UBQLN4: variants seen among roughly 807,000 people sequenced by gnomAD.
The protein encoded by UBQLN4 is ubiquilin-4.
In UBQLN4, 11 loss-of-function variants were observed where a neutral mutation model predicts 60.4. The ratio of observed to expected loss-of-function variants is 0.18; its 90% CI spans 0.11 to 0.30. The LOEUF (loss-of-function observed/expected upper bound fraction) is 0.30, where lower values mean the gene tolerates loss of function less well. UBQLN4 is among the 10% of genes least tolerant of loss of function. UBQLN4 has a pLI of 1.00. For synonymous variants in UBQLN4, 258 were observed against 313.1 expected (o/e 0.82, Z 1.86); for missense variants, 417 against 795.5 (o/e 0.52, Z 5.72).
intron 1 of UBQLN4, among the ~76,000 whole-genome samples, chr1:156,053,205 T>C (rs1016043487): frequency 1.3e-5 from 2 of 152,088 alleles, no homozygotes; most frequent in Admixed American, 6.5e-5. Flanking sequence ...CACTGGGCGT[T>C]CTCTGAGGCA....
downstream of UBQLN4, among the ~76,000 whole-genome samples, chr1:156,034,589 C>T (rs1400370211): frequency 2.6e-5 from 4 of 151,422 alleles, no homozygotes; most frequent in East Asian, 7.7e-4. Flanking sequence ...AGCCACTGTG[C>T]CCAGCCTTGT....
rs1327995162 is a variant in UBQLN4 at position 156,042,800 on chromosome 1, C to A, written c.1240G>T (p.Ala414Ser). Residue 414 changes from alanine to serine, a missense_variant, in exon 7 of 11, where the codon GCC becomes TCC. Coordinates refer to ENST00000368309, the MANE Select transcript of UBQLN4 (RefSeq NM_020131.5). ...TGAGCAGCAAAGTCGGGGTTCTGGG[C>A]AAGCGTCTGCATCATGCTGCGCATG... ...PYMRSMMQTL[A>S]QNPDFAAQMM... 1 of 1,614,126 alleles carries A rather than the reference C, an allele frequency of 6.2e-7. No homozygotes were observed. The highest frequency in any genetic ancestry group is 1.3e-5 in the African/African-American group (1 of 75,064).
At chr1:156,031,388 G>C (rs1683294579), downstream of UBQLN4, among the ~76,000 whole-genome samples, 2 of 152,080 alleles carry the variant, frequency 1.3e-5, no homozygotes, top group Admixed American at 6.6e-5. Context: ...TCAGGCACAG[G>C]CAGGTTGAAT....
intron 5 of UBQLN4, among the ~76,000 whole-genome samples, chr1:156,047,906 AAAAG>A (rs1003611260): frequency 7.9e-5 from 12 of 151,872 alleles, no homozygotes; most frequent in South Asian, 2.1e-4. Context: ...AAAAAAAAAA[AAAAG>A]AAAGAAAGAA....
At chr1:156,038,221 C>CA (rs1411000647) in intron 10 of UBQLN4, among the ~76,000 whole-genome samples, 3 of 150,948 alleles carry the variant, frequency 2.0e-5, no homozygotes, top group African/African-American at 7.3e-5. Context: ...ACTAAAAACA[C>CA]AAAAAATTAC....
Position 156,048,910 on chromosome 1 carries a change from G to A in UBQLN4, c.742-251C>T, listed in dbSNP as rs1405779165. 2.0e-5 allele frequency among the ~76,000 whole-genome samples: 3 copies of A among 152,294 alleles called. No homozygotes were observed. The highest frequency in any genetic ancestry group is 3.4e-3 in the Middle Eastern group (1 of 294). ...GACAATGATCCCAGCTGAAGTGAGG[G>A]CAGCAGCTTCCCTCCCTTAGGCTCA... On this transcript the variant is annotated intron_variant, in intron 4 of 10. Transcript: ENST00000368309. The surrounding 1 kb of genome is among the most constrained non-coding windows in gnomAD (Gnocchi z 4.9).
Position 156,041,733 on chromosome 1 carries a change from A to C in UBQLN4, c.1467-62T>G, listed in dbSNP as rs547714077. 2.7e-6 allele frequency: 4 copies of C among 1,463,876 alleles called. No homozygotes were observed. The African/African-American group carries it at 5.7e-5, about 21-fold the overall frequency. 90.7% of individuals were successfully genotyped at this position (1,463,876 alleles called of 1,614,324 possible). Reference sequence around the variant, plus strand: ...TCCAAGAAAGGGATGAGAATGTGAGATCCAGAAGGAAAAGCAGTTGGAAGA... The same window carrying C: ...TCCAAGAAAGGGATGAGAATGTGAGCTCCAGAAGGAAAAGCAGTTGGAAGA... On this transcript the variant is annotated intron_variant, in intron 9 of 10. Coordinates refer to ENST00000368309, the MANE Select transcript of UBQLN4 (RefSeq NM_020131.5).
At position 156,036,368 on chromosome 1, in the gene UBQLN4, T is replaced by G; in HGVS notation, c.*610A>C. 1.0e-6 allele frequency: 1 copy of G among 985,668 alleles called. No individual in the cohort carries two copies. The highest frequency in any genetic ancestry group is 1.2e-6 in the Non-Finnish European group (1 of 830,058). The allele number at this position is 985,668 out of a possible 1,614,324, so 61.1% of individuals were successfully genotyped here. Reference sequence around the variant, plus strand: ...TGTCCAGAGAGCTGTCTCATCTCCCTCTTCAGACAGGGAGAACAGGCATCT... The same window carrying G: ...TGTCCAGAGAGCTGTCTCATCTCCCGCTTCAGACAGGGAGAACAGGCATCT... On this transcript the variant is annotated 3_prime_UTR_variant, in exon 11 of 11. Transcript: ENST00000368309.
At position 156,041,735 on chromosome 1, in the gene UBQLN4, C is replaced by T. The variant is rs1683572914; in HGVS notation, c.1467-64G>A. 1.8e-5 allele frequency: 26 copies of T among 1,461,564 alleles called. No individual in the cohort carries two copies. In the South Asian group the frequency reaches 3.5e-4, roughly 19 times the overall value. The allele number at this position is 1,461,564 out of a possible 1,614,324, so 90.5% of individuals were successfully genotyped here. A position where few individuals can be genotyped will look rare whatever the true frequency, so the allele number is the denominator to read the frequency against. On this transcript the variant is annotated intron_variant, in intron 9 of 10. Coordinates refer to ENST00000368309, the MANE Select transcript of UBQLN4 (RefSeq NM_020131.5). Reference sequence around the variant, plus strand: ...CAAGAAAGGGATGAGAATGTGAGATCCAGAAGGAAAAGCAGTTGGAAGAAA... The same window carrying T: ...CAAGAAAGGGATGAGAATGTGAGATTCAGAAGGAAAAGCAGTTGGAAGAAA...
intron 7 of UBQLN4, chr1:156,042,506 C>T: frequency 8.0e-7 from 1 of 1,242,390 alleles, no homozygotes; most frequent in Non-Finnish European, 1.1e-6. Flanking sequence ...AGAACTTACT[C>T]TGTCACACGC....
downstream of UBQLN4, among the ~76,000 whole-genome samples, chr1:156,032,067 G>GT (rs371900028): frequency 0.012 from 1,830 of 147,372 alleles, 38 homozygotes; most frequent in African/African-American, 0.04. Flanking sequence ...TCCAAAATGA[G>GT]TTTTTTTTTT....
intron 10 of UBQLN4, among the ~76,000 whole-genome samples, chr1:156,040,266 C>T (rs749489719): frequency 1.3e-4 from 19 of 150,276 alleles, no homozygotes; most frequent in African/African-American, 2.4e-4. Flanking sequence ...TGTGGTGGCG[C>T]GTGCCTGTAA....
At chr1:156,046,653 C>T (rs1208643361) in intron 5 of UBQLN4, among the ~76,000 whole-genome samples, 1 of 151,720 alleles carries the variant, frequency 6.6e-6, no homozygotes, top group Non-Finnish European at 1.5e-5. Context: ...CCAGCCTGGC[C>T]AATATGGTGA....
At chr1:156,031,520 C>G (rs1683296032), downstream of UBQLN4, among the ~76,000 whole-genome samples, 2 of 152,148 alleles carry the variant, frequency 1.3e-5, no homozygotes, top group South Asian at 4.1e-4. Context: ...ATTAGTCCTT[C>G]CTAATATCCT....
At chr1:156,042,446 T>C in intron 7 of UBQLN4, 2 of 1,405,878 alleles carry the variant, frequency 1.4e-6, no homozygotes, top group South Asian at 1.7e-5. Flanking sequence ...GTCAGCCTGC[T>C]CAGCCCTGGG....
rs1406454508 is a variant in UBQLN4 at position 156,041,500 on chromosome 1, T to G, written c.1638A>C (p.Gly546=). Residue 546 remains glycine (G), a synonymous_variant, in exon 10 of 11, where the codon GGA becomes GGC. Coordinates refer to ENST00000368309, the MANE Select transcript of UBQLN4 (RefSeq NM_020131.5). ...CCTCATGTACCTGTGAGTTTCCACTTCCAGCCAAAAGCTGGATCATCTGCT... is the reference window on the plus strand; with the variant it reads ...CCTCATGTACCTGTGAGTTTCCACTGCCAGCCAAAAGCTGGATCATCTGCT... ...LMQQMIQLLA[G]SGNSQVQTPE... is the part of the protein sequence containing the mutation. The G allele has an allele frequency of 2.5e-6, 4 of 1,600,880 alleles. No homozygotes were observed. Among genetic ancestry groups the G allele is most frequent in the Non-Finnish European group, 3.4e-6 (4 of 1,174,290 alleles).
intron 5 of UBQLN4, among the ~76,000 whole-genome samples, chr1:156,046,610 AG>A (rs1213770110): frequency 6.6e-6 from 1 of 150,942 alleles, no homozygotes; most frequent in African/African-American, 2.4e-5. Context: ...TGGGAGGCCG[AG>A]GCAGGCAGAT....
downstream of UBQLN4, among the ~76,000 whole-genome samples, chr1:156,034,871 A>ATATATT (rs60215858): frequency 1.4e-5 from 1 of 70,062 alleles, no homozygotes; most frequent in Non-Finnish European, 2.7e-5. Context: ...ATATATATAT[A>ATATATT]ATTTTTTTTT....
intron 7 of UBQLN4, chr1:156,042,523 C>A: frequency 8.5e-7 from 1 of 1,171,792 alleles, no homozygotes. Context: ...ACGCCATGTT[C>A]TAAGCACTTA....
Sources: gnomAD v4.1 joint callset for allele counts (sites outside exome capture counted in the v4.1 genomes callset) on GRCh38, gnomAD v4.1.1 for gene constraint, Gnocchi (gnomAD v3.1) non-coding constraint, MANE v1.5 for transcripts, NCBI Gene and HGNC (gene_info 2026-07-23, HGNC 2026-07-21) for gene names.